The following GRM7 variants were observed in gnomAD, a reference collection of about 807,000 sequenced individuals.
GRM7 encodes metabotropic glutamate receptor 7.
Under a neutral mutation model 84.5 loss-of-function variants are expected in GRM7, and 35 were observed. The ratio of observed to expected loss-of-function variants is 0.41; its 90% CI spans 0.32 to 0.55. The LOEUF (loss-of-function observed/expected upper bound fraction) is 0.55, where lower values mean the gene tolerates loss of function less well. Among genes scored for constraint, GRM7 ranks in the 20% least tolerant of loss-of-function variants. The pLI is 0.19. For synonymous variants in GRM7, 487 were observed against 455.1 expected (o/e 1.07, Z -0.89); for missense variants, 1,003 against 1,194.6 (o/e 0.84, Z 2.36).
chr3:7,694,386 C>CTGA, intron 9 of GRM7: 2 of 940,850 alleles, frequency 2.1e-6, no homozygotes, highest in Non-Finnish European at 2.5e-6. Flanking sequence ...AGATTCCCAT[C>CTGA]TGATATTCTT....
chr3:7,199,817 A>G (rs1696004396), intron 2 of GRM7, among the ~76,000 whole-genome samples: 1 of 152,220 alleles, frequency 6.6e-6, no homozygotes, highest in Admixed American at 6.5e-5. Context: ...CCTAAACTTT[A>G]CTGATCATAT....
At chr3:7,622,647 T>C (rs1485167) in intron 8 of GRM7, among the ~76,000 whole-genome samples, 25,028 of 151,934 alleles carry the variant, frequency 0.16, 2,174 homozygotes, top group Non-Finnish European at 0.19. Flanking sequence ...AAGGCTTAGC[T>C]AGGGTTCAGT....
chr3:7,241,781 T>C (rs958206338), intron 2 of GRM7, among the ~76,000 whole-genome samples: 2 of 152,152 alleles, frequency 1.3e-5, no homozygotes, highest in Non-Finnish European at 2.9e-5. Flanking sequence ...TCCAACCAGC[T>C]TTCCAGGGCA....
rs1004575117 is a variant in GRM7, at chr3:6,863,908, G to A, written c.519+2001G>A. Among the ~76,000 whole-genome samples the A allele has an allele frequency of 1.3e-5, 2 of 152,110 alleles. No individual in the cohort carries two copies. Among genetic ancestry groups the A allele is most frequent in the African/African-American group, 4.8e-5 (2 of 41,406 alleles). Reference sequence around the variant, plus strand: ...GTGAAATGTTAAAGTCAAGAAAGGGGTTACAGACTAGGCTGAGGGACTGTG... The same window carrying A: ...GTGAAATGTTAAAGTCAAGAAAGGGATTACAGACTAGGCTGAGGGACTGTG... On this transcript the variant is annotated intron_variant, in intron 1 of 9. Coordinates refer to ENST00000357716, the MANE Select transcript of GRM7 (RefSeq NM_000844.4). The surrounding 1 kb of genome is among the most constrained non-coding windows in gnomAD (Gnocchi z 4.8).
chr3:7,095,517 C>T (rs57436609), intron 1 of GRM7, among the ~76,000 whole-genome samples: 5,002 of 152,102 alleles, frequency 0.033, 279 homozygotes, highest in African/African-American at 0.12. Context: ...TTACATATTC[C>T]GGAGGACCTG....
intron 7 of GRM7, among the ~76,000 whole-genome samples, chr3:7,533,847 A>G (rs1323808194): frequency 1.3e-5 from 2 of 152,144 alleles, no homozygotes; most frequent in East Asian, 3.9e-4. Flanking sequence ...GTGCCATCTC[A>G]GCCTCATAGC....
intron 1 of GRM7, among the ~76,000 whole-genome samples, chr3:6,938,565 A>C (rs1697774419): frequency 6.6e-6 from 1 of 152,220 alleles, no homozygotes; most frequent in Non-Finnish European, 1.5e-5. Flanking sequence ...AAAAATAATA[A>C]GACAGCTTAA....
At chr3:7,209,136 A>C (rs912610354) in intron 2 of GRM7, among the ~76,000 whole-genome samples, 4 of 152,202 alleles carry the variant, frequency 2.6e-5, no homozygotes, top group African/African-American at 9.7e-5. Flanking sequence ...TTGTAAAATA[A>C]AGTATTGAAG....
intron 1 of GRM7, among the ~76,000 whole-genome samples, chr3:6,936,352 T>C (rs1006370928): frequency 2.0e-5 from 3 of 152,178 alleles, no homozygotes; most frequent in Admixed American, 6.5e-5. Flanking sequence ...TTCCAATAAG[T>C]TCCAAAGAGC....
intron 8 of GRM7, among the ~76,000 whole-genome samples, chr3:7,599,267 G>A (rs948206967): frequency 2.6e-5 from 4 of 151,952 alleles, no homozygotes; most frequent in African/African-American, 9.7e-5. Context: ...ATTAATGTTT[G>A]CCATACAAAA....
chr3:7,461,677 G>C lies in GRM7; in HGVS notation c.1470G>C (p.Pro490=), dbSNP rs138702582. Residue 490 remains proline (P), a synonymous_variant, in exon 7 of 10, where the codon CCG becomes CCC. Coordinates refer to ENST00000357716, the MANE Select transcript of GRM7 (RefSeq NM_000844.4). ...FQYQTTNTSN[P]GYRLIGQWTD... is the part of the protein sequence containing the mutation. ...ACCAGACCACAAACACCAGCAACCC[G>C]GGTTACCGTCTGATCGGGCAGTGGA... The C allele has an allele frequency of 4.3e-6, 7 of 1,613,852 alleles. No homozygotes were observed. The Middle Eastern group carries it at 6.6e-4, about 152-fold the overall frequency.
At chr3:7,097,716 C>T (rs1324648834) in intron 1 of GRM7, among the ~76,000 whole-genome samples, 1 of 152,148 alleles carries the variant, frequency 6.6e-6, no homozygotes, top group Non-Finnish European at 1.5e-5. Context: ...CTGCTAAAAA[C>T]TTCGCTGTGA....
intron 1 of GRM7, among the ~76,000 whole-genome samples, chr3:7,010,468 T>A (rs568764751): frequency 6.6e-5 from 10 of 151,934 alleles, no homozygotes; most frequent in South Asian, 6.2e-4. Flanking sequence ...AAAAGAAAAG[T>A]GGGAGGGAGA....
At chr3:6,958,229 T>C (rs1693147410) in intron 1 of GRM7, among the ~76,000 whole-genome samples, 1 of 111,206 alleles carries the variant, frequency 9.0e-6, no homozygotes, top group Non-Finnish European at 1.8e-5. Context: ...TTTATAAAAA[T>C]GGTATCAGGC....
At chr3:7,497,984 T>C (rs958287013) in intron 7 of GRM7, among the ~76,000 whole-genome samples, 1 of 152,198 alleles carries the variant, frequency 6.6e-6, no homozygotes, top group Non-Finnish European at 1.5e-5. Flanking sequence ...GTCCAATCTT[T>C]TGAAAACAAT....
chr3:7,428,100 T>G (rs544305901), intron 5 of GRM7, among the ~76,000 whole-genome samples: 1 of 152,288 alleles, frequency 6.6e-6, no homozygotes, highest in South Asian at 2.1e-4. Flanking sequence ...TTCTGTGTTT[T>G]GGGACAGAAA....
At chr3:7,476,009 G>C (rs943402445) in intron 7 of GRM7, among the ~76,000 whole-genome samples, 1 of 152,140 alleles carries the variant, frequency 6.6e-6, no homozygotes, top group African/African-American at 2.4e-5. Flanking sequence ...GAAAAAAATG[G>C]AGAGGAATTA....
chr3:7,479,740 T>C (rs1255471978), intron 7 of GRM7, among the ~76,000 whole-genome samples: 1 of 152,170 alleles, frequency 6.6e-6, no homozygotes, highest in Non-Finnish European at 1.5e-5. Context: ...TCCCCAACTA[T>C]GCTATTGGTC....
intron 1 of GRM7, among the ~76,000 whole-genome samples, chr3:6,871,523 T>A (rs1469794470): frequency 1.3e-5 from 2 of 151,920 alleles, no homozygotes; most frequent in African/African-American, 4.8e-5. Context: ...CTTGACTTTT[T>A]AAATTAAAAA....
Sources: gnomAD v4.1 joint callset for allele counts (sites outside exome capture counted in the v4.1 genomes callset) on GRCh38, gnomAD v4.1.1 for gene constraint, Gnocchi (gnomAD v3.1) non-coding constraint, MANE v1.5 for transcripts, NCBI Gene and HGNC (gene_info 2026-07-23, HGNC 2026-07-21) for gene names.